Variants in PIK3CB observed in about 807,000 individuals in gnomAD.
PIK3CB encodes the protein phosphatidylinositol 4,5-bisphosphate 3-kinase catalytic subunit beta isoform.
PIK3CB carries 39 observed loss-of-function variants against 136.8 expected under a neutral mutation model. The observed-to-expected ratio is 0.29, with a 90% CI of 0.22 to 0.37. The LOEUF is 0.37. Among genes scored for constraint, PIK3CB ranks in the 10% least tolerant of loss-of-function variants. The pLI is 1.00. For missense variants in PIK3CB, 868 were observed against 1,275.4 expected (o/e 0.68, Z 4.87); for synonymous variants, 428 against 436.6 (o/e 0.98, Z 0.25).
rs2043165838 is a variant in PIK3CB at position 138,654,843 on chromosome 3, G to A, written c.*546C>T. 1 of 209,628 alleles carries A rather than the reference G, an allele frequency of 4.8e-6. No individual in the cohort carries two copies. Among genetic ancestry groups the A allele is most frequent in the South Asian group, 1.9e-4 (1 of 5,308 alleles). The allele number at this position is 209,628 out of a possible 1,614,324, so 13.0% of individuals were successfully genotyped here. A position where few individuals can be genotyped will look rare whatever the true frequency, so the allele number is the denominator to read the frequency against. On this transcript the variant is annotated 3_prime_UTR_variant, in exon 24 of 24. Transcript: ENST00000674063. ...ATCATGGAAATAAATATTAACAAAA[G>A]AATTAATGAGTATCCACAGGTTTAC... is the stretch of plus-strand genomic sequence containing the variant.
At chr3:138,826,421 T>G in intron 1 of PIK3CB, 2 of 1,091,696 alleles carry the variant, frequency 1.8e-6, no homozygotes, top group Non-Finnish European at 2.7e-6. Flanking sequence ...TTAGGTTTAA[T>G]AGTAAATGAC....
Position 138,807,700 on chromosome 3 carries a change from C to T in PIK3CB, c.-121-11133G>A, listed in dbSNP as rs77436462. On this transcript the variant is annotated intron_variant, in intron 1 of 23. Coordinates refer to ENST00000674063, the MANE Select transcript of PIK3CB (RefSeq NM_006219.3). The stretch of plus-strand genomic sequence containing the variant: ...TTGAGTCCAGTAGTTCAAGACCAAC[C>T]TGGGCAACATGACAAGATCTCATCT... Among the ~76,000 whole-genome samples the T allele has an allele frequency of 4.7e-4, 72 of 151,968 alleles. 4 individuals carry two copies. In the East Asian group the frequency reaches 0.014, roughly 29 times the overall value.
At chr3:138,665,848 G>T (rs934510930) in intron 19 of PIK3CB, among the ~76,000 whole-genome samples, 1 of 152,298 alleles carries the variant, frequency 6.6e-6, no homozygotes, top group East Asian at 1.9e-4. Context: ...GGGATTACAG[G>T]TGTGAGCCAC....
chr3:138,676,953 C>A (rs1224684302), intron 19 of PIK3CB, among the ~76,000 whole-genome samples: 1 of 152,082 alleles, frequency 6.6e-6, no homozygotes, highest in Non-Finnish European at 1.5e-5. Flanking sequence ...ATGCATATAA[C>A]CACTGAAATG....
intron 2 of PIK3CB, among the ~76,000 whole-genome samples, chr3:138,776,352 G>C (rs2045858330): frequency 6.6e-6 from 1 of 152,058 alleles, no homozygotes; most frequent in Non-Finnish European, 1.5e-5. Flanking sequence ...ACTCTCAAGG[G>C]ATTAAAAATG....
At chr3:138,740,888 C>T (rs2045230559) in intron 5 of PIK3CB, among the ~76,000 whole-genome samples, 1 of 152,110 alleles carries the variant, frequency 6.6e-6, no homozygotes, top group South Asian at 2.1e-4. Flanking sequence ...AAGAGATCCT[C>T]CCTGTTCAGC....
At chr3:138,786,049 G>A (rs2045978937) in intron 2 of PIK3CB, among the ~76,000 whole-genome samples, 1 of 151,936 alleles carries the variant, frequency 6.6e-6, no homozygotes, top group Admixed American at 6.6e-5. Flanking sequence ...AATATATATA[G>A]CATGACCACA....
intron 8 of PIK3CB, among the ~76,000 whole-genome samples, chr3:138,719,662 A>G (rs1297345036): frequency 1.3e-5 from 2 of 152,188 alleles, no homozygotes; most frequent in Admixed American, 6.5e-5. Context: ...AGTTGCCTGT[A>G]AGAACCATAC....
chr3:138,715,070 G>T (rs756392193), intron 8 of PIK3CB, among the ~76,000 whole-genome samples: 1 of 152,158 alleles, frequency 6.6e-6, no homozygotes. Context: ...ACTATCATAT[G>T]CTTACTCACT....
chr3:138,672,733 G>A (rs1007654230), intron 19 of PIK3CB, among the ~76,000 whole-genome samples: 1 of 151,952 alleles, frequency 6.6e-6, no homozygotes, highest in African/African-American at 2.4e-5. Context: ...CCAACATGGT[G>A]AAACCCTGCC....
intron 14 of PIK3CB, among the ~76,000 whole-genome samples, 179 bp downstream of exon 14, chr3:138,694,607 G>GT (rs952432900): frequency 3.0e-4 from 45 of 149,290 alleles, no homozygotes; most frequent in East Asian, 7.8e-4. Flanking sequence ...CATGCTTTTG[G>GT]TTTTTTTTTT....
rs925254061 is a variant in PIK3CB, at chr3:138,654,797, A to G, written c.*592T>C. On this transcript the variant is annotated 3_prime_UTR_variant, in exon 24 of 24. Coordinates refer to ENST00000674063, the MANE Select transcript of PIK3CB (RefSeq NM_006219.3). ...TTTGCCTCACCAGTAGATTTTCAGC[A>G]AGTCTGGCTGGAATGATGCTATCAT... The G allele has an allele frequency of 9.4e-6, 2 of 213,012 alleles. No individual in the cohort carries two copies. Among genetic ancestry groups the G allele is most frequent in the East Asian group, 7.0e-5 (1 of 14,212 alleles). 13.2% of individuals were successfully genotyped at this position (213,012 alleles called of 1,614,324 possible). A position where few individuals can be genotyped will look rare whatever the true frequency, so the allele number is the denominator to read the frequency against.
intron 21 of PIK3CB, among the ~76,000 whole-genome samples, chr3:138,659,514 CTCAGAAAAAAAAAAA>C (rs1033703285): frequency 6.7e-6 from 1 of 149,212 alleles, no homozygotes; most frequent in African/African-American, 2.5e-5. Context: ...AAGTCTCCAT[CTCAGAAAAAAAAAAA>C]AAAGTTTGGT....
intron 1 of PIK3CB, among the ~76,000 whole-genome samples, chr3:138,798,546 G>C (rs542515004): frequency 6.6e-6 from 1 of 152,270 alleles, no homozygotes; most frequent in African/African-American, 2.4e-5. Context: ...TTTCCTAGGT[G>C]GGGTGGAGCA....
rs939263133 is a variant in PIK3CB at position 138,663,837 on chromosome 3, C to T, written c.2796+69G>A. 8.7e-6 allele frequency: 13 copies of T among 1,498,624 alleles called. No individual in the cohort carries two copies. In the African/African-American group the frequency reaches 1.8e-4, roughly 21 times the overall value. 92.8% of individuals were successfully genotyped at this position (1,498,624 alleles called of 1,614,324 possible). A position where few individuals can be genotyped will look rare whatever the true frequency, so the allele number is the denominator to read the frequency against. On this transcript the variant is annotated intron_variant, in intron 21 of 23. Coordinates refer to ENST00000674063, the MANE Select transcript of PIK3CB (RefSeq NM_006219.3). ...CACAAAAGAATCTGGCTGAGTTGCA[C>T]AAGAGATTATGCTATACATAAGAAA...
At chr3:138,805,787 T>C (rs922571131) in intron 1 of PIK3CB, among the ~76,000 whole-genome samples, 9 of 151,818 alleles carry the variant, frequency 5.9e-5, no homozygotes, top group African/African-American at 2.2e-4. Flanking sequence ...TGGAGTGCAG[T>C]GGCGCAATCT....
intron 1 of PIK3CB, among the ~76,000 whole-genome samples, chr3:138,831,274 A>AT (rs1193359812): frequency 0.031 from 4,564 of 149,118 alleles, 238 homozygotes; most frequent in African/African-American, 0.11. Flanking sequence ...ATAAAATAAA[A>AT]TAAAATAAAA....
intron 8 of PIK3CB, among the ~76,000 whole-genome samples, chr3:138,717,732 CTTT>C (rs779356912): frequency 4.6e-5 from 7 of 152,238 alleles, no homozygotes; most frequent in Non-Finnish European, 1.0e-4. Flanking sequence ...TTGCTTCCTT[CTTT>C]GTGTTCATAA....
intron 4 of PIK3CB, among the ~76,000 whole-genome samples, chr3:138,744,639 T>C (rs1309017360): frequency 6.6e-6 from 1 of 152,076 alleles, no homozygotes; most frequent in African/African-American, 2.4e-5. Flanking sequence ...TCTGTAAAAA[T>C]GTTTATCTGT....
Sources: gnomAD v4.1 joint callset for allele counts (sites outside exome capture counted in the v4.1 genomes callset) on GRCh38, gnomAD v4.1.1 for gene constraint, MANE v1.5 for transcripts, NCBI Gene and HGNC (gene_info 2026-07-23, HGNC 2026-07-21) for gene names.